Variants in HFM1 observed in about 807,000 individuals in gnomAD.
HFM1 encodes helicase for meiosis 1, also known as probable ATP-dependent DNA helicase HFM1.
In HFM1, 169 loss-of-function variants were observed where a neutral mutation model predicts 192.1. That is an observed-to-expected ratio of 0.88 (90% CI 0.78 to 1.00). The LOEUF (loss-of-function observed/expected upper bound fraction) is 1.00. Ranked by LOEUF, HFM1 falls within the 50% of genes least tolerant of loss-of-function variation. The probability of loss-of-function intolerance (pLI) is 0.00; values close to 1 mark genes in which losing one functional copy is unlikely to be tolerated. For missense variants in HFM1, 1,661 were observed against 1,668.0 expected (o/e 1.00, Z 0.07); for synonymous variants, 525 against 537.8 (o/e 0.98, Z 0.33).
At chr1:91,376,602 A>G (rs1660938391) in intron 11 of HFM1, among the ~76,000 whole-genome samples, 1 of 151,964 alleles carries the variant, frequency 6.6e-6, no homozygotes, top group Admixed American at 6.6e-5. Flanking sequence ...CCAATGTGAA[A>G]AAAAGGCAAA....
intron 11 of HFM1, chr1:91,377,313 C>T (rs1306361493): frequency 6.6e-6 from 1 of 151,506 alleles, no homozygotes; most frequent in African/African-American, 2.4e-5. Context: ...ACGATAAAGA[C>T]AAAATATTCC....
chr1:91,385,913 C>T (rs1662151832), intron 4 of HFM1, 79 bp from the exon 5 acceptor site: 2 of 1,252,638 alleles, frequency 1.6e-6, no homozygotes, highest in Non-Finnish European at 2.2e-6. Flanking sequence ...ATAAAATTGG[C>T]CCCCTTAAAA....
intron 25 of HFM1, among the ~76,000 whole-genome samples, chr1:91,318,265 C>A (rs568628628): frequency 1.3e-5 from 2 of 152,234 alleles, no homozygotes; most frequent in East Asian, 3.9e-4. Context: ...CTCTGCCACC[C>A]CACTGATTTC....
intron 13 of HFM1, among the ~76,000 whole-genome samples, chr1:91,367,866 C>T (rs1304753185): frequency 2.6e-5 from 4 of 151,990 alleles, no homozygotes; most frequent in African/African-American, 7.3e-5. Context: ...AAAAATTAGA[C>T]GAATGGCTAA....
intron 30 of HFM1, among the ~76,000 whole-genome samples, chr1:91,306,727 T>G (rs963516474): frequency 6.6e-6 from 1 of 152,190 alleles, no homozygotes; most frequent in Non-Finnish European, 1.5e-5. Flanking sequence ...ATATTCTCTT[T>G]TTTTCTATTC....
intron 30 of HFM1, among the ~76,000 whole-genome samples, chr1:91,279,810 G>T (rs1235343869): frequency 6.6e-6 from 1 of 151,918 alleles, no homozygotes; most frequent in Non-Finnish European, 1.5e-5. Flanking sequence ...TCTCCTTTGG[G>T]CCCCTGTGGC....
intron 20 of HFM1, among the ~76,000 whole-genome samples, chr1:91,325,461 G>C (rs1652759278): frequency 6.6e-6 from 1 of 152,178 alleles, no homozygotes; most frequent in Non-Finnish European, 1.5e-5. Flanking sequence ...CACAGAGAGA[G>C]AGAATCTGTA....
intron 28 of HFM1, 76 bp downstream of exon 28, chr1:91,315,738 AT>A (rs1295108900): frequency 7.6e-5 from 80 of 1,054,086 alleles, no homozygotes; most frequent in South Asian, 1.6e-4. Context: ...TGATCTTGTT[AT>A]TTTTTTTTCA....
chr1:91,329,071 G>GAGTATC (rs1653391381), intron 20 of HFM1: 2 of 1,610,270 alleles, frequency 1.2e-6, no homozygotes, highest in African/African-American at 2.7e-5. Flanking sequence ...CTGCTAGGCA[G>GAGTATC]TGACTACTGT....
chr1:91,380,773 A>G, intron 7 of HFM1, 139 bp downstream of exon 7: 1 of 561,354 alleles, frequency 1.8e-6, no homozygotes, highest in East Asian at 3.4e-5. Context: ...TTTACCAAAT[A>G]TTTTCTGAGC....
In HFM1 at chr1:91,350,784, T is replaced by C; in HGVS notation, c.2160A>G (p.Arg720=). The part of the protein sequence containing the change: ...TDVNIAVEWI[R]STLLYIRALK... ...AGGCTCTGATATAAAGCAGAGTTGATCGTATCCATTCCACAGCAATATTCA... is the reference window on the plus strand; with the variant it reads ...AGGCTCTGATATAAAGCAGAGTTGACCGTATCCATTCCACAGCAATATTCA... The change falls in exon 18 of 39, where the codon CGA becomes CGG. Residue 720 remains arginine (R), a synonymous_variant. Coordinates refer to ENST00000370425, the MANE Select transcript of HFM1 (RefSeq NM_001017975.6). 6.2e-7 allele frequency: 1 copy of C among 1,611,404 alleles called. No individual in the cohort carries two copies. Among genetic ancestry groups the C allele is most frequent in the South Asian group, 1.1e-5 (1 of 90,850 alleles).
chr1:91,333,750 G>A (rs749216459), intron 20 of HFM1, among the ~76,000 whole-genome samples: 9 of 151,930 alleles, frequency 5.9e-5, no homozygotes, highest in Non-Finnish European at 1.2e-4. Context: ...ACCATTTACC[G>A]ACAAAAATTT....
At chr1:91,292,037 T>C (rs1332413850) in intron 30 of HFM1, among the ~76,000 whole-genome samples, 9 of 152,132 alleles carry the variant, frequency 5.9e-5, no homozygotes, top group Admixed American at 5.2e-4. Flanking sequence ...AATTAGGTAT[T>C]GATGGGACGT....
intron 13 of HFM1, among the ~76,000 whole-genome samples, chr1:91,359,455 T>C (rs1304778116): frequency 6.6e-6 from 1 of 150,740 alleles, no homozygotes; most frequent in Non-Finnish European, 1.5e-5. Flanking sequence ...AACTTCACAA[T>C]GCAATCGCAA....
At chr1:91,300,336 A>G (rs999847918) in intron 30 of HFM1, among the ~76,000 whole-genome samples, 5 of 152,148 alleles carry the variant, frequency 3.3e-5, no homozygotes, top group African/African-American at 1.2e-4. Context: ...TGGATTCACA[A>G]CTGAATTCTA....
chr1:91,374,658 C>T (rs1191243044), intron 13 of HFM1, among the ~76,000 whole-genome samples: 1 of 152,084 alleles, frequency 6.6e-6, no homozygotes, highest in African/African-American at 2.4e-5. Flanking sequence ...GGAGAAGGAG[C>T]TGGTCTGAGA....
At chr1:91,300,857 C>T (rs577485570) in intron 30 of HFM1, among the ~76,000 whole-genome samples, 28 of 152,278 alleles carry the variant, frequency 1.8e-4, no homozygotes, top group Admixed American at 8.5e-4. Context: ...TGGAAGCATT[C>T]CCTTTGAAAA....
At position 91,276,725 on chromosome 1, in the gene HFM1, T is replaced by G. The variant is rs1570747219; in HGVS notation, c.3491A>C (p.Gln1164Pro). The G allele has an allele frequency of 3.3e-6, 5 of 1,508,058 alleles. No homozygotes were observed. Among genetic ancestry groups the G allele is most frequent in the African/African-American group, 2.8e-5 (2 of 70,418 alleles). 93.4% of individuals were successfully genotyped at this position (1,508,058 alleles called of 1,614,324 possible). The change falls in exon 32 of 39, where the codon CAG (glutamine) becomes CCG (proline). Residue 1164 changes from glutamine (Q) to proline (P), a missense_variant. Coordinates refer to ENST00000370425, the MANE Select transcript of HFM1 (RefSeq NM_001017975.6). The part of the protein sequence containing the change: ...GHDCCKIGVA[Q>P]KSEIKESTIS... Reference sequence around the variant, plus strand: ...TGTTGACTCTTTAATTTCTGACTTCTGTGCAACTCCAATTTTACCTATGAA... The same window carrying G: ...TGTTGACTCTTTAATTTCTGACTTCGGTGCAACTCCAATTTTACCTATGAA...
intron 23 of HFM1, among the ~76,000 whole-genome samples, chr1:91,320,526 A>C (rs867983093): frequency 6.6e-6 from 1 of 152,226 alleles, no homozygotes; most frequent in African/African-American, 2.4e-5. Flanking sequence ...ATGTGGAGTA[A>C]GAAATTGCTG....
Sources: gnomAD v4.1 joint callset for allele counts (sites outside exome capture counted in the v4.1 genomes callset) on GRCh38, gnomAD v4.1.1 for gene constraint, MANE v1.5 for transcripts, NCBI Gene and HGNC (gene_info 2026-07-23, HGNC 2026-07-21) for gene names.